Variants in RBFOX1 observed in about 807,000 individuals in gnomAD.
RBFOX1 encodes the protein RNA binding fox-1 homolog 1, also known as RNA binding protein fox-1 homolog 1.
In RBFOX1, 8 loss-of-function variants were observed where a neutral mutation model predicts 57.7. The ratio of observed to expected loss-of-function variants is 0.14; its 90% CI spans 0.08 to 0.25. The LOEUF (loss-of-function observed/expected upper bound fraction) is 0.25. Ranked by LOEUF, RBFOX1 falls within the 10% of genes least tolerant of loss-of-function variation. RBFOX1 has a pLI of 1.00. For missense variants in RBFOX1, 611 were observed against 548.5 expected, an observed-to-expected ratio of 1.11 and a Z score of -1.14; for synonymous variants, 326 against 222.4, an observed-to-expected ratio of 1.47 and a Z score of -4.15.
intron 4 of RBFOX1, among the ~76,000 whole-genome samples, chr16:5,973,920 C>T (rs941426942): frequency 3.3e-5 from 5 of 152,296 alleles, no homozygotes; most frequent in Middle Eastern, 3.4e-3. Context: ...ATTGAATGGA[C>T]TCTGGCATCA....
intron 2 of RBFOX1, among the ~76,000 whole-genome samples, chr16:5,596,817 C>T (rs1409444175): frequency 2.0e-5 from 3 of 152,214 alleles, no homozygotes; most frequent in South Asian, 2.1e-4. Context: ...TCCTCCTCCC[C>T]CTTCTCTCCC....
intron 3 of RBFOX1, among the ~76,000 whole-genome samples, chr16:7,047,716 CTTTTTTTTTT>C (rs55636828): frequency 0.012 from 574 of 47,890 alleles, 5 homozygotes; most frequent in African/African-American, 0.032. Context: ...TCCTGCATTT[CTTTTTTTTTT>C]TTTTTTTTTT....
At chr16:6,866,072 A>T (rs1023311683) in intron 3 of RBFOX1, among the ~76,000 whole-genome samples, 2 of 152,186 alleles carry the variant, frequency 1.3e-5, no homozygotes, top group South Asian at 4.1e-4. Context: ...TTGAAATAGA[A>T]GCCAAAAGAT....
intron 3 of RBFOX1, among the ~76,000 whole-genome samples, chr16:6,821,614 A>C (rs1427138078): frequency 6.6e-6 from 1 of 152,178 alleles, no homozygotes; most frequent in East Asian, 1.9e-4. Flanking sequence ...GTGTCCGTTT[A>C]TGATATCTTA....
chr16:5,288,986 A>G (rs910997422), intron 1 of RBFOX1, among the ~76,000 whole-genome samples: 3 of 151,778 alleles, frequency 2.0e-5, no homozygotes, highest in Non-Finnish European at 4.4e-5. Flanking sequence ...TTAGCTGGGC[A>G]TGGTGGCGCA....
At chr16:6,354,242 C>T (rs894800569) in intron 2 of RBFOX1, among the ~76,000 whole-genome samples, 9 of 152,068 alleles carry the variant, frequency 5.9e-5, no homozygotes, top group Admixed American at 3.3e-4. Context: ...CACACACACA[C>T]ACACATAGAT....
intron 4 of RBFOX1, among the ~76,000 whole-genome samples, chr16:7,290,047 G>C (rs945439607): frequency 3.3e-5 from 5 of 152,048 alleles, no homozygotes; most frequent in Admixed American, 6.6e-5. Flanking sequence ...GTGCTTCCCA[G>C]GGTTACATGG....
intron 2 of RBFOX1, among the ~76,000 whole-genome samples, chr16:5,492,025 G>C (rs2042850571): frequency 6.6e-6 from 1 of 152,174 alleles, no homozygotes. Flanking sequence ...GTGGGCCCCA[G>C]ACCAGCAGTA....
intron 2 of RBFOX1, among the ~76,000 whole-genome samples, chr16:5,589,110 A>C (rs1027106375): frequency 6.6e-6 from 1 of 152,144 alleles, no homozygotes; most frequent in Non-Finnish European, 1.5e-5. Flanking sequence ...CCGCCTCCTT[A>C]TGGGAGATGT....
At chr16:6,461,112 G>A (rs1047713780) in intron 2 of RBFOX1, among the ~76,000 whole-genome samples, 2 of 152,130 alleles carry the variant, frequency 1.3e-5, no homozygotes, top group South Asian at 2.1e-4. Context: ...GGGAGAGGGT[G>A]GGGGGAAGAA....
intron 3 of RBFOX1, among the ~76,000 whole-genome samples, chr16:6,980,736 T>A (rs2088546747): frequency 6.6e-6 from 1 of 152,180 alleles, no homozygotes. Flanking sequence ...GCAGATTATA[T>A]GTGGGAAGAA....
chr16:5,761,344 T>A (rs148530493), intron 3 of RBFOX1, among the ~76,000 whole-genome samples: 2 of 152,358 alleles, frequency 1.3e-5, no homozygotes, highest in East Asian at 3.9e-4. Flanking sequence ...GAGATAGATC[T>A]GGCCTTGCTG....
chr16:5,821,165 C>A (rs2151803806), intron 3 of RBFOX1, among the ~76,000 whole-genome samples: 1 of 152,164 alleles, frequency 6.6e-6, no homozygotes, highest in South Asian at 2.1e-4. Context: ...CTGTCATTTT[C>A]TCCTCGTCTG....
At chr16:7,163,571 C>G (rs979118441) in intron 4 of RBFOX1, among the ~76,000 whole-genome samples, 7 of 152,106 alleles carry the variant, frequency 4.6e-5, no homozygotes, top group African/African-American at 1.2e-4. Flanking sequence ...TCTCAATAAG[C>G]TCTTTCATCA....
At chr16:7,224,975 G>A (rs773915200) in intron 4 of RBFOX1, among the ~76,000 whole-genome samples, 12 of 152,168 alleles carry the variant, frequency 7.9e-5, no homozygotes, top group Non-Finnish European at 1.2e-4. Context: ...ACTTTATTGA[G>A]CCTCTGCTAT....
chr16:7,001,193 C>T (rs1461207950), intron 3 of RBFOX1, among the ~76,000 whole-genome samples: 1 of 152,062 alleles, frequency 6.6e-6, no homozygotes, highest in East Asian at 1.9e-4. Flanking sequence ...GACTAATGAT[C>T]ATTCTAAATG....
At chr16:6,132,662 G>T (rs2096637840) in intron 1 of RBFOX1, among the ~76,000 whole-genome samples, 1 of 152,172 alleles carries the variant, frequency 6.6e-6, no homozygotes, top group Non-Finnish European at 1.5e-5. Flanking sequence ...GTTAACAGAG[G>T]AAGGAAAAGT....
At chr16:5,260,921 C>T (rs2062716311) in intron 1 of RBFOX1, 1 of 152,178 alleles carries the variant, frequency 6.6e-6, no homozygotes, top group Non-Finnish European at 1.5e-5. Flanking sequence ...GAAGATGACA[C>T]CCATTGTGGT....
chr16:5,908,649 C>G (rs1015314694), intron 4 of RBFOX1, among the ~76,000 whole-genome samples: 1 of 152,052 alleles, frequency 6.6e-6, no homozygotes, highest in African/African-American at 2.4e-5. Flanking sequence ...CTATATGATC[C>G]TCCCTACTAG....
Sources: gnomAD v4.1 joint callset for allele counts (sites outside exome capture counted in the v4.1 genomes callset) on GRCh38, gnomAD v4.1.1 for gene constraint, MANE v1.5 for transcripts, NCBI Gene and HGNC (gene_info 2026-07-23, HGNC 2026-07-21) for gene names.